EYS: variants seen among roughly 807,000 people sequenced by gnomAD.
EYS encodes EGF-like photoreceptor maintenance factor.
A neutral mutation model predicts 282.1 loss-of-function variants in EYS; 250 were observed. The ratio of observed to expected loss-of-function variants is 0.89; its 90% CI spans 0.80 to 0.98. EYS has a LOEUF of 0.98. Ranked by LOEUF, EYS falls within the 50% of genes least tolerant of loss-of-function variation. The probability of loss-of-function intolerance (pLI) is 0.00; values close to 1 mark genes in which losing one functional copy is unlikely to be tolerated. For missense variants in EYS, 4,016 were observed against 3,709.0 expected (o/e 1.08, Z -2.15); for synonymous variants, 1,355 against 1,282.9 (o/e 1.06, Z -1.20).
At chr6:65,445,115 C>T (rs903942515) in intron 5 of EYS, among the ~76,000 whole-genome samples, 3 of 151,658 alleles carry the variant, frequency 2.0e-5, no homozygotes, top group East Asian at 1.9e-4. Flanking sequence ...CTTTTAAACT[C>T]CTTGGATAGT....
At chr6:64,742,106 A>C (rs911706642) in intron 22 of EYS, among the ~76,000 whole-genome samples, 1 of 152,174 alleles carries the variant, frequency 6.6e-6, no homozygotes, top group African/African-American at 2.4e-5. Flanking sequence ...TTAAAGTGAG[A>C]CACATGTAAC....
At chr6:64,957,029 C>T (rs1769731672) in intron 14 of EYS, among the ~76,000 whole-genome samples, 1 of 152,090 alleles carries the variant, frequency 6.6e-6, no homozygotes, top group Non-Finnish European at 1.5e-5. Context: ...CCTCAAAAAA[C>T]TAAAAATAGA....
At chr6:65,098,153 C>A (rs1774793515) in intron 12 of EYS, among the ~76,000 whole-genome samples, 4 of 149,866 alleles carry the variant, frequency 2.7e-5, no homozygotes, top group African/African-American at 4.9e-5. Context: ...AAGGAAGAGG[C>A]GCAATATAAG....
intron 19 of EYS, among the ~76,000 whole-genome samples, chr6:64,846,468 A>T (rs1765717602): frequency 6.6e-6 from 1 of 152,222 alleles, no homozygotes; most frequent in South Asian, 2.1e-4. Flanking sequence ...GTTTAGAAAG[A>T]GGGGTGGAGA....
At chr6:64,529,895 T>C (rs1000256771) in intron 26 of EYS, among the ~76,000 whole-genome samples, 1 of 151,990 alleles carries the variant, frequency 6.6e-6, no homozygotes, top group African/African-American at 2.4e-5. Context: ...AGAATTGAGA[T>C]GGAAACTCAG....
intron 11 of EYS, among the ~76,000 whole-genome samples, chr6:65,319,132 G>A (rs1314499453): frequency 1.4e-5 from 2 of 145,974 alleles, no homozygotes; most frequent in African/African-American, 2.5e-5. Flanking sequence ...GCCAAGGCAG[G>A]TGGATCACTT....
chr6:64,589,629 C>T (rs766143116), intron 26 of EYS, among the ~76,000 whole-genome samples: 6 of 151,982 alleles, frequency 3.9e-5, no homozygotes, highest in Admixed American at 6.6e-5. Context: ...TATATCAAGG[C>T]TCTGAATTCA....
chr6:65,496,358 G>A (rs1003569707), intron 2 of EYS, among the ~76,000 whole-genome samples: 5 of 152,024 alleles, frequency 3.3e-5, no homozygotes, highest in South Asian at 2.1e-4. Context: ...AAGGATTTCT[G>A]AGTTTAATAT....
chr6:65,705,485 T>C (rs1769842239), intron 1 of EYS, among the ~76,000 whole-genome samples: 1 of 152,234 alleles, frequency 6.6e-6, no homozygotes, highest in African/African-American at 2.4e-5. Context: ...AGTTTTGTTT[T>C]GTTTTTTAAC....
At chr6:64,120,173 C>A (rs1418900694) in intron 31 of EYS, among the ~76,000 whole-genome samples, 2 of 148,790 alleles carry the variant, frequency 1.3e-5, no homozygotes, top group Non-Finnish European at 3.0e-5. Flanking sequence ...CGGTGAAACC[C>A]TGTCTCTACT....
At chr6:64,297,442 A>G (rs1339653562) in intron 30 of EYS, among the ~76,000 whole-genome samples, 1 of 152,236 alleles carries the variant, frequency 6.6e-6, no homozygotes, top group Non-Finnish European at 1.5e-5. Flanking sequence ...TCCATGTAAA[A>G]CAACAACCTC....
chr6:64,079,968 T>C (rs2149867196), intron 32 of EYS, among the ~76,000 whole-genome samples: 1 of 152,218 alleles, frequency 6.6e-6, no homozygotes, highest in East Asian at 1.9e-4. Flanking sequence ...CAGTCTATCA[T>C]TGTTGGACAT....
intron 7 of EYS, among the ~76,000 whole-genome samples, chr6:65,385,079 G>C (rs1765749329): frequency 6.6e-6 from 1 of 151,870 alleles, no homozygotes; most frequent in African/African-American, 2.4e-5. Context: ...TGGTGTTCTG[G>C]CTTCCACTGC....
chr6:63,866,805 T>A (rs1772681001), intron 35 of EYS, among the ~76,000 whole-genome samples: 1 of 152,226 alleles, frequency 6.6e-6, no homozygotes, highest in South Asian at 2.1e-4. Flanking sequence ...GATATCCCAT[T>A]AGCACCTCAT....
intron 26 of EYS, among the ~76,000 whole-genome samples, chr6:64,448,746 G>C (rs938888777): frequency 1.3e-5 from 2 of 152,234 alleles, no homozygotes; most frequent in African/African-American, 2.4e-5. Context: ...AGGCAAACAG[G>C]GTCTGGAGTG....
chr6:64,171,154 T>G (rs1764467737), intron 31 of EYS, among the ~76,000 whole-genome samples: 1 of 152,060 alleles, frequency 6.6e-6, no homozygotes, highest in Admixed American at 6.6e-5. Flanking sequence ...CATTAAACAT[T>G]TTATGGTACT....
At chr6:64,451,184 C>A (rs1385252410) in intron 26 of EYS, among the ~76,000 whole-genome samples, 1 of 152,136 alleles carries the variant, frequency 6.6e-6, no homozygotes, top group Non-Finnish European at 1.5e-5. Flanking sequence ...GATATCACCA[C>A]TGATCCCACA....
intron 26 of EYS, among the ~76,000 whole-genome samples, chr6:64,550,149 G>C (rs920353680): frequency 6.6e-6 from 1 of 152,094 alleles, no homozygotes; most frequent in Non-Finnish European, 1.5e-5. Context: ...TTAGACATTT[G>C]GGTTGGTTCC....
At chr6:64,731,496 C>A (rs538381083) in intron 22 of EYS, among the ~76,000 whole-genome samples, 1 of 151,906 alleles carries the variant, frequency 6.6e-6, no homozygotes, top group African/African-American at 2.4e-5. Flanking sequence ...AAAAAGTGGG[C>A]GAAGGACAGG....
Sources: gnomAD v4.1 joint callset for allele counts (sites outside exome capture counted in the v4.1 genomes callset) on GRCh38, gnomAD v4.1.1 for gene constraint, MANE v1.5 for transcripts, NCBI Gene and HGNC (gene_info 2026-07-23, HGNC 2026-07-21) for gene names.